The following CCSER1 variants were observed in gnomAD, a reference collection of about 807,000 sequenced individuals.
CCSER1 encodes the protein serine-rich coiled-coil domain-containing protein 1.
Under a neutral mutation model 82.0 loss-of-function variants are expected in CCSER1, and 41 were observed. The observed-to-expected ratio is 0.50, with a 90% CI of 0.39 to 0.65. CCSER1 has a LOEUF of 0.65. CCSER1 is among the 30% of genes least tolerant of loss of function. CCSER1 has a pLI of 0.00. For synonymous variants in CCSER1, 414 were observed against 383.9 expected (o/e 1.08, Z -0.92); for missense variants, 1,119 against 1,064.2 (o/e 1.05, Z -0.72).
At chr4:91,187,062 G>A (rs186131542) in intron 10 of CCSER1, among the ~76,000 whole-genome samples, 29 of 152,342 alleles carry the variant, frequency 1.9e-4, no homozygotes, top group African/African-American at 6.7e-4. Flanking sequence ...ATCTGTCACA[G>A]CTTCCCTTGG....
intron 6 of CCSER1, among the ~76,000 whole-genome samples, chr4:90,700,384 A>G (rs950795037): frequency 3.9e-5 from 6 of 152,078 alleles, no homozygotes; most frequent in East Asian, 1.9e-4. Context: ...AATTCAGTCT[A>G]TCATTGATGG....
chr4:91,188,650 G>C (rs546236025), intron 10 of CCSER1, among the ~76,000 whole-genome samples: 1 of 152,156 alleles, frequency 6.6e-6, no homozygotes, highest in African/African-American at 2.4e-5. Context: ...CATGTTCGCT[G>C]GTATGTCCTA....
At chr4:91,161,386 G>A (rs1426970506) in intron 10 of CCSER1, among the ~76,000 whole-genome samples, 1 of 152,112 alleles carries the variant, frequency 6.6e-6, no homozygotes, top group Non-Finnish European at 1.5e-5. Context: ...GGCAATGTGG[G>A]CTCTTTTTTG....
At chr4:91,074,021 T>TG (rs1189976682) in intron 9 of CCSER1, among the ~76,000 whole-genome samples, 3 of 152,104 alleles carry the variant, frequency 2.0e-5, no homozygotes, top group Admixed American at 6.6e-5. Context: ...AATGTGGCAG[T>TG]GAAAAGCAAG....
At position 90,724,625 on chromosome 4, in the gene CCSER1, G is replaced by A. The variant is rs115716177; in HGVS notation, c.2010+634G>A. Reference sequence around the variant, plus strand: ...CTTGTAGATCAACTATTTTATGTTTGTACTGGGGTATTTAGATATTATTAG... The same window carrying A: ...CTTGTAGATCAACTATTTTATGTTTATACTGGGGTATTTAGATATTATTAG... On this transcript the variant is annotated intron_variant, in intron 7 of 10. Transcript: ENST00000509176. 3,168 of 363,822 alleles carry A rather than the reference G, an allele frequency of 8.7e-3. 56 individuals are homozygous for A. The highest frequency in any genetic ancestry group is 0.05 in the African/African-American group (2,307 of 45,958). The allele number at this position is 363,822 out of a possible 1,614,324, so 22.5% of individuals were successfully genotyped here.
chr4:90,628,245 T>C lies in CCSER1; in HGVS notation c.1932+13T>C. 1.9e-6 allele frequency: 3 copies of C among 1,603,738 alleles called. No homozygotes were observed. Among genetic ancestry groups the C allele is most frequent in the Non-Finnish European group, 2.6e-6 (3 of 1,171,526 alleles). On this transcript the variant is annotated intron_variant, in intron 6 of 10. Coordinates refer to ENST00000509176, the MANE Select transcript of CCSER1 (RefSeq NM_001145065.2). ...AGTTCTTCAAGAGGTAATGGTTTCC[T>C]CTAAGATTAATGTCCTTCAGTGCTG... is the stretch of plus-strand genomic sequence containing the variant.
At chr4:91,145,164 A>C (rs1729421657) in intron 10 of CCSER1, among the ~76,000 whole-genome samples, 1 of 152,052 alleles carries the variant, frequency 6.6e-6, no homozygotes, top group Non-Finnish European at 1.5e-5. Context: ...ATGTGTATAA[A>C]ATAGTTCAGT....
chr4:90,901,223 GTC>G (rs1354475097), intron 8 of CCSER1, among the ~76,000 whole-genome samples: 1 of 151,628 alleles, frequency 6.6e-6, no homozygotes, highest in Non-Finnish European at 1.5e-5. Context: ...AGATGGTTGG[GTC>G]TCTCTTTTTT....
At chr4:90,938,273 A>G (rs1361335243) in intron 9 of CCSER1, among the ~76,000 whole-genome samples, 1 of 152,100 alleles carries the variant, frequency 6.6e-6, no homozygotes, top group African/African-American at 2.4e-5. Context: ...CAAAAATACT[A>G]GGACAGCCAC....
At chr4:91,253,661 T>G (rs1445287662) in intron 10 of CCSER1, among the ~76,000 whole-genome samples, 1 of 152,188 alleles carries the variant, frequency 6.6e-6, no homozygotes, top group East Asian at 1.9e-4. Flanking sequence ...ATATAACAAT[T>G]ATAAGCATTT....
chr4:91,113,898 G>A (rs1252264883), intron 10 of CCSER1, among the ~76,000 whole-genome samples: 2 of 151,350 alleles, frequency 1.3e-5, no homozygotes, highest in East Asian at 3.9e-4. Context: ...TGTCGCTCAG[G>A]CTGGAGTGCA....
chr4:90,391,023 A>G (rs964834673), intron 3 of CCSER1, among the ~76,000 whole-genome samples: 1 of 149,640 alleles, frequency 6.7e-6, no homozygotes, highest in African/African-American at 2.5e-5. Context: ...CAGCACTTTG[A>G]GAGGCTGAGG....
At chr4:90,212,050 A>C (rs1296582949) in intron 1 of CCSER1, among the ~76,000 whole-genome samples, 1 of 152,226 alleles carries the variant, frequency 6.6e-6, no homozygotes. Flanking sequence ...CATTAGGTAG[A>C]AAAATTTCAA....
At chr4:90,225,530 A>G (rs1038123793) in intron 1 of CCSER1, among the ~76,000 whole-genome samples, 7 of 152,184 alleles carry the variant, frequency 4.6e-5, no homozygotes, top group Non-Finnish European at 8.8e-5. Flanking sequence ...GGTGGGCATT[A>G]TATTATCTAT....
intron 10 of CCSER1, among the ~76,000 whole-genome samples, chr4:91,122,485 A>C (rs968834400): frequency 1.3e-5 from 2 of 151,650 alleles, no homozygotes; most frequent in Non-Finnish European, 3.0e-5. Context: ...CTATATGCAA[A>C]TATCAAACAT....
intron 8 of CCSER1, among the ~76,000 whole-genome samples, chr4:90,899,879 G>A (rs1724336506): frequency 2.0e-5 from 3 of 151,898 alleles, no homozygotes; most frequent in Non-Finnish European, 4.4e-5. Flanking sequence ...TTGCATCTGT[G>A]TTCATCAGGG....
At chr4:90,961,089 A>AT (rs1734009880) in intron 9 of CCSER1, among the ~76,000 whole-genome samples, 1 of 152,128 alleles carries the variant, frequency 6.6e-6, no homozygotes, top group South Asian at 2.1e-4. Context: ...AAACTCTTAG[A>AT]TTCCCCATTA....
chr4:90,408,862 G>A (rs958781462), intron 4 of CCSER1, among the ~76,000 whole-genome samples: 4 of 152,130 alleles, frequency 2.6e-5, no homozygotes, highest in Admixed American at 6.5e-5. Context: ...CGAACAAATG[G>A]CAAAGAAGTT....
chr4:90,468,239 C>G lies in CCSER1; in HGVS notation c.1609C>G (p.Arg537Gly). The change falls in exon 5 of 11, where the codon CGG becomes GGG. Residue 537 changes from arginine to glycine, a missense_variant. Transcript: ENST00000509176. ...TCCTCGGTTTTTTTGAACAGTTTGC[C>G]GGGAGGACTCATATCACTCTGTCGT... ...EEQSLHPSVCREDSYHSVVSC... is the reference protein window; with the variant it reads ...EEQSLHPSVCGEDSYHSVVSC... 2 of 1,591,290 alleles carry G rather than the reference C, an allele frequency of 1.3e-6. No individual in the cohort carries two copies. The highest frequency in any genetic ancestry group is 1.2e-5 in the South Asian group (1 of 85,632).
Sources: allele counts gnomAD v4.1 joint callset (sites outside exome capture counted in the v4.1 genomes callset), GRCh38; gene constraint gnomAD v4.1.1; transcripts MANE v1.5; gene names NCBI Gene and HGNC (gene_info 2026-07-23, HGNC 2026-07-21).